AGTPBP1: variants seen among roughly 807,000 people sequenced by gnomAD.
AGTPBP1 encodes the protein ATP/GTP binding carboxypeptidase 1, also known as cytosolic carboxypeptidase 1.
In AGTPBP1, 70 loss-of-function variants were observed where a neutral mutation model predicts 143.9. The ratio of observed to expected loss-of-function variants is 0.49; its 90% confidence interval spans 0.40 to 0.59. The LOEUF (loss-of-function observed/expected upper bound fraction) is 0.59, where lower values mean the gene tolerates loss of function less well. AGTPBP1 is among the 20% of genes least tolerant of loss of function. The pLI, the probability that AGTPBP1 is intolerant of heterozygous loss-of-function variation, is 0.00. For missense variants in AGTPBP1, 1,229 were observed against 1,464.5 expected (o/e 0.84, Z 2.62); for synonymous variants, 463 against 500.2 (o/e 0.93, Z 0.99).
At chr9:85,626,385 C>A (rs2133622919) in intron 14 of AGTPBP1, among the ~76,000 whole-genome samples, 1 of 152,202 alleles carries the variant, frequency 6.6e-6, no homozygotes, top group South Asian at 2.1e-4. Context: ...TCTAATGTTT[C>A]CTTTTCTGAA....
In AGTPBP1 at chr9:85,655,329, T is replaced by A. The variant is rs1833428148; in HGVS notation, c.910-9A>T. 2.0e-6 allele frequency: 3 copies of A among 1,471,142 alleles called. No homozygotes were observed. The highest frequency in any genetic ancestry group is 2.6e-5 in the East Asian group (1 of 38,260). The allele number at this position is 1,471,142 out of a possible 1,614,324, so 91.1% of individuals were successfully genotyped here. A position where few individuals can be genotyped will look rare whatever the true frequency, so the allele number is the denominator to read the frequency against. On this transcript the variant is annotated splice_polypyrimidine_tract_variant and intron_variant, in intron 10 of 25. Coordinates refer to ENST00000357081, the MANE Select transcript of AGTPBP1 (RefSeq NM_001330701.2). Reference sequence around the variant, plus strand: ...CTGACTGCCAGACATTCCTGTTTTTTAAAAAAAGAAAAAGAAAAAGAATGT... The same window carrying A: ...CTGACTGCCAGACATTCCTGTTTTTAAAAAAAAGAAAAAGAAAAAGAATGT...
chr9:85,587,236 AT>A (rs755018905), intron 21 of AGTPBP1, among the ~76,000 whole-genome samples: 36 of 152,192 alleles, frequency 2.4e-4, no homozygotes, highest in Non-Finnish European at 4.0e-4. Context: ...TATAGAAAAA[AT>A]TCTTAACTCC....
intron 1 of AGTPBP1, 23 bp downstream of exon 1, chr9:85,741,752 G>T: frequency 7.7e-7 from 1 of 1,306,046 alleles, no homozygotes. Flanking sequence ...GCCGGGACAT[G>T]AGGACTGCAG....
the AGTPBP1 span, among the ~76,000 whole-genome samples, chr9:85,800,807 TTG>T: frequency 0.14 from 19,702 of 144,396 alleles, 1,497 homozygotes; most frequent in African/African-American, 0.22. Context: ...TTTAGAATGG[TTG>T]TGTGTGTGTG....
At chr9:85,722,223 C>T (rs1838174857) in intron 1 of AGTPBP1, among the ~76,000 whole-genome samples, 1 of 152,118 alleles carries the variant, frequency 6.6e-6, no homozygotes, top group Admixed American at 6.5e-5. Context: ...GTCTGCCTTG[C>T]TAGGTAGGGG....
intron 9 of AGTPBP1, among the ~76,000 whole-genome samples, chr9:85,659,617 C>T (rs1409300937): frequency 6.6e-6 from 1 of 152,068 alleles, no homozygotes; most frequent in African/African-American, 2.4e-5. Flanking sequence ...TATTAAATTA[C>T]AGTAATCATG....
At position 85,741,906 on chromosome 9, in the gene AGTPBP1, G is replaced by T; in HGVS notation, c.-165C>A. 1 of 1,200,806 alleles carries T rather than the reference G, an allele frequency of 8.3e-7. No homozygotes were observed. Among genetic ancestry groups the T allele is most frequent in the Non-Finnish European group, 1.1e-6 (1 of 941,298 alleles). 74.4% of individuals were successfully genotyped at this position (1,200,806 alleles called of 1,614,324 possible). On this transcript the variant is annotated 5_prime_UTR_variant, in exon 1 of 26. Coordinates refer to ENST00000357081, the MANE Select transcript of AGTPBP1 (RefSeq NM_001330701.2). ...AAACCCCGGTGGCAGGCGAGGCGGA[G>T]GCGGCGGCGGCGGCAGCTGCGGCGG...
chr9:85,584,295 T>C (rs1267043769), intron 23 of AGTPBP1, among the ~76,000 whole-genome samples: 1 of 152,192 alleles, frequency 6.6e-6, no homozygotes, highest in East Asian at 1.9e-4. Context: ...GTTGACATGT[T>C]GGGCATTTTA....
At chr9:85,643,179 G>C (rs535412316) in intron 12 of AGTPBP1, among the ~76,000 whole-genome samples, 42 of 152,098 alleles carry the variant, frequency 2.8e-4, no homozygotes, top group Non-Finnish European at 5.3e-4. Flanking sequence ...ATATAACAGA[G>C]TATTCTGGCT....
the AGTPBP1 span, among the ~76,000 whole-genome samples, chr9:85,785,377 G>A: frequency 3.9e-5 from 6 of 152,028 alleles, no homozygotes; most frequent in African/African-American, 9.7e-5. Flanking sequence ...AGGACTAAAA[G>A]TATACTAAGC....
At chr9:85,773,224 G>A in the AGTPBP1 span, among the ~76,000 whole-genome samples, 2 of 112,906 alleles carry the variant, frequency 1.8e-5, no homozygotes, top group Non-Finnish European at 3.3e-5. Context: ...GAGATTGCAC[G>A]ACTGCACTCC....
At chr9:85,649,403 G>A (rs191183778) in intron 11 of AGTPBP1, among the ~76,000 whole-genome samples, 87 of 152,170 alleles carry the variant, frequency 5.7e-4, no homozygotes, top group African/African-American at 2.0e-3. Flanking sequence ...CGTAGAGGAA[G>A]GCTATTTAAT....
At chr9:85,750,215 C>G in the AGTPBP1 span, among the ~76,000 whole-genome samples, 1 of 152,104 alleles carries the variant, frequency 6.6e-6, no homozygotes, top group Admixed American at 6.6e-5. Flanking sequence ...AGAGTCAACT[C>G]CAAGTATAAG....
chr9:85,692,484 A>C (rs1233925287), intron 3 of AGTPBP1, among the ~76,000 whole-genome samples: 1 of 152,072 alleles, frequency 6.6e-6, no homozygotes, highest in East Asian at 1.9e-4. Context: ...CATATTGGCC[A>C]GGCTGGTCTC....
In AGTPBP1 at chr9:85,741,905, A is replaced by C. The variant is rs1311289479; in HGVS notation, c.-164T>G. The C allele has an allele frequency of 7.5e-7, 1 of 1,335,984 alleles. No homozygotes were observed. The highest frequency in any genetic ancestry group is 1.9e-5 in the South Asian group (1 of 52,498). The allele number at this position is 1,335,984 out of a possible 1,614,324, so 82.8% of individuals were successfully genotyped here. ...CAAACCCCGGTGGCAGGCGAGGCGGAGGCGGCGGCGGCGGCAGCTGCGGCG... is the reference window on the plus strand; with the variant it reads ...CAAACCCCGGTGGCAGGCGAGGCGGCGGCGGCGGCGGCGGCAGCTGCGGCG... On this transcript the variant is annotated 5_prime_UTR_variant, in exon 1 of 26. Transcript: ENST00000357081.
chr9:85,681,124 C>A, intron 4 of AGTPBP1, 144 bp downstream of exon 4: 1 of 732,364 alleles, frequency 1.4e-6, no homozygotes, highest in Non-Finnish European at 2.2e-6. Context: ...ACCTCTAAAA[C>A]AAAAATTATT....
At chr9:85,669,735 A>C (rs950988798) in intron 7 of AGTPBP1, among the ~76,000 whole-genome samples, 157 bp from the exon 8 acceptor site, 3 of 151,134 alleles carry the variant, frequency 2.0e-5, no homozygotes, top group Admixed American at 2.0e-4. Flanking sequence ...ATGAAGAAAT[A>C]GTGTTTTTTG....
At chr9:85,758,489 A>T in the AGTPBP1 span, among the ~76,000 whole-genome samples, 2 of 152,144 alleles carry the variant, frequency 1.3e-5, no homozygotes, top group Admixed American at 6.6e-5. Flanking sequence ...TTCTAAAAAT[A>T]CAAAAATTAG....
At chr9:85,734,350 T>C (rs1159464100) in intron 1 of AGTPBP1, among the ~76,000 whole-genome samples, 1 of 151,196 alleles carries the variant, frequency 6.6e-6, no homozygotes, top group African/African-American at 2.4e-5. Flanking sequence ...AAAAGTCCAG[T>C]TCTTTTCAAC....
Sources: gnomAD v4.1 joint callset for allele counts (sites outside exome capture counted in the v4.1 genomes callset) on GRCh38, gnomAD v4.1.1 for gene constraint, MANE v1.5 for transcripts, NCBI Gene and HGNC (gene_info 2026-07-23, HGNC 2026-07-21) for gene names.